TEX14: variants seen among roughly 807,000 people sequenced by gnomAD.
The protein encoded by TEX14 is testis expressed 14, intercellular bridge forming factor.
Under a neutral mutation model 178.6 loss-of-function variants are expected in TEX14, and 168 were observed. The observed-to-expected ratio is 0.94, with a 90% CI of 0.83 to 1.07. The LOEUF (loss-of-function observed/expected upper bound fraction) is 1.07, where lower values mean the gene tolerates loss of function less well. Among genes scored for constraint, TEX14 ranks in the 50% least tolerant of loss-of-function variants. TEX14 has a pLI of 0.00. For missense variants in TEX14, 1,730 were observed against 1,753.6 expected, an observed-to-expected ratio of 0.99 and a Z score of 0.24; for synonymous variants, 626 against 634.1, an observed-to-expected ratio of 0.99 and a Z score of 0.19.
At chr17:58,646,186 C>G (rs988262314) in intron 2 of TEX14, among the ~76,000 whole-genome samples, 5 of 152,010 alleles carry the variant, frequency 3.3e-5, no homozygotes, top group African/African-American at 7.3e-5. Context: ...AGCTTAAAAG[C>G]CAATCGCTAT....
chr17:58,606,801 G>A (rs555587591), intron 10 of TEX14, among the ~76,000 whole-genome samples: 1 of 151,704 alleles, frequency 6.6e-6, no homozygotes, highest in Admixed American at 6.6e-5. Flanking sequence ...GCCGAGGCGG[G>A]TGGATCACTT....
chr17:58,619,393 T>C (rs954487751), intron 5 of TEX14, among the ~76,000 whole-genome samples: 1 of 152,228 alleles, frequency 6.6e-6, no homozygotes, highest in African/African-American at 2.4e-5. Context: ...TCAGTGCTTT[T>C]CTTCTTTCCC....
At chr17:58,605,747 G>T (rs2045592351) in intron 10 of TEX14, among the ~76,000 whole-genome samples, 1 of 152,176 alleles carries the variant, frequency 6.6e-6, no homozygotes, top group South Asian at 2.1e-4. Flanking sequence ...TGAGATATTT[G>T]TCTGAAAGTC....
chr17:58,597,314 G>A (rs893722161), intron 14 of TEX14, among the ~76,000 whole-genome samples: 1 of 152,066 alleles, frequency 6.6e-6, no homozygotes, highest in African/African-American at 2.4e-5. Flanking sequence ...CAGGAGAATC[G>A]CTTGAACCTG....
At chr17:58,648,573 G>T (rs1254844473) in intron 2 of TEX14, among the ~76,000 whole-genome samples, 1 of 152,034 alleles carries the variant, frequency 6.6e-6, no homozygotes, top group Non-Finnish European at 1.5e-5. Flanking sequence ...TCAACTCCAG[G>T]GAACACTGCA....
chr17:58,611,363 ACG>A, intron 9 of TEX14, 24 bp from the exon 10 acceptor site: 1 of 1,586,644 alleles, frequency 6.3e-7, no homozygotes, highest in African/African-American at 1.4e-5. Flanking sequence ...ATGAAATGCC[ACG>A]AAAAAAAAAA....
At chr17:58,631,793 C>G (rs565949491) in intron 2 of TEX14, 2 of 152,134 alleles carry the variant, frequency 1.3e-5, no homozygotes, top group African/African-American at 4.8e-5. Flanking sequence ...AGATATACTC[C>G]TCGAGAAACA....
chr17:58,601,113 T>TGG (rs892638865), intron 13 of TEX14, among the ~76,000 whole-genome samples: 5 of 150,824 alleles, frequency 3.3e-5, no homozygotes, highest in Admixed American at 1.3e-4. Context: ...AGGCCAGGTG[T>TGG]GGTGGCTCAT....
chr17:58,687,025 C>G (rs992640432), intron 1 of TEX14, among the ~76,000 whole-genome samples: 2 of 151,936 alleles, frequency 1.3e-5, no homozygotes, highest in Admixed American at 1.3e-4. Flanking sequence ...AGATGCCCAC[C>G]ACCACACCTG....
rs865956219 is a variant in TEX14, at chr17:58,572,167, T to C, written c.3512-41A>G. 17 of 1,436,366 alleles carry C rather than the reference T, an allele frequency of 1.2e-5. 1 individual carries two copies. In the Middle Eastern group the frequency reaches 1.6e-3, roughly 136 times the overall value. The allele number at this position is 1,436,366 out of a possible 1,614,324, so 89.0% of individuals were successfully genotyped here. A position where few individuals can be genotyped will look rare whatever the true frequency, so the allele number is the denominator to read the frequency against. On this transcript the variant is annotated intron_variant, in intron 23 of 31. Coordinates refer to ENST00000349033, the MANE Select transcript of TEX14 (RefSeq NM_031272.5). ...GGAAGGTTACTGTCTGAATCCTTTA[T>C]ATTATTTCTCCTTTTTTCCTTTTTC...
intron 1 of TEX14, among the ~76,000 whole-genome samples, chr17:58,682,110 G>A (rs779075444): frequency 2.5e-4 from 38 of 151,896 alleles, no homozygotes; most frequent in Non-Finnish European, 4.7e-4. Flanking sequence ...TACCATGTCT[G>A]GCTAACTTTT....
At chr17:58,609,848 A>G (rs151181670) in intron 10 of TEX14, among the ~76,000 whole-genome samples, 22 of 152,354 alleles carry the variant, frequency 1.4e-4, no homozygotes, top group African/African-American at 5.3e-4. Flanking sequence ...TCCCTGCCTC[A>G]TGTAGCTTTT....
At position 58,662,514 on chromosome 17, in the gene TEX14, T is replaced by G. The variant is rs566403187; in HGVS notation, c.-1-10512A>C. Among the ~76,000 whole-genome samples the G allele has an allele frequency of 5.3e-5, 8 of 151,532 alleles. No individual in the cohort carries two copies. The South Asian group carries it at 1.7e-3, about 32-fold the overall frequency. ...ATCAAAGACCCCAAATAAGTTGAGA[T>G]GGAGAAACACAGCCCCTCAGTACAG... is the stretch of plus-strand genomic sequence containing the variant. On this transcript the variant is annotated intron_variant, in intron 1 of 31. Transcript: ENST00000349033.
At chr17:58,678,501 A>G (rs551858906) in intron 1 of TEX14, among the ~76,000 whole-genome samples, 169 of 152,284 alleles carry the variant, frequency 1.1e-3, no homozygotes, top group Non-Finnish European at 2.0e-3. Context: ...AGCCATAAAA[A>G]AGGATGAGTT....
rs1440329057 is a variant in TEX14 at position 58,623,013 on chromosome 17, C to G, written c.252-1G>C. On this transcript the variant is annotated splice_acceptor_variant, in intron 3 of 31. Coordinates refer to ENST00000349033, the MANE Select transcript of TEX14 (RefSeq NM_031272.5). LOFTEE classifies it high-confidence loss of function. ...AGGGGTGCTCCCATCAAAGCAGCGGCTGGGGAGGGAGATGAGTACAATTGA... is the reference window on the plus strand; with the variant it reads ...AGGGGTGCTCCCATCAAAGCAGCGGGTGGGGAGGGAGATGAGTACAATTGA... The G allele has an allele frequency of 3.8e-6, 6 of 1,587,984 alleles. No homozygotes were observed. Among genetic ancestry groups the G allele is most frequent in the Non-Finnish European group, 5.2e-6 (6 of 1,158,614 alleles).
At chr17:58,658,418 C>A (rs2047015040) in intron 1 of TEX14, among the ~76,000 whole-genome samples, 1 of 124,678 alleles carries the variant, frequency 8.0e-6, no homozygotes, top group Admixed American at 9.5e-5. Context: ...TTGAGACAGT[C>A]TCACTGTGTC....
At chr17:58,658,951 T>A (rs1460063072) in intron 1 of TEX14, among the ~76,000 whole-genome samples, 1 of 151,686 alleles carries the variant, frequency 6.6e-6, no homozygotes, top group East Asian at 1.9e-4. Flanking sequence ...GCGTACCACA[T>A]CAGTCTGGCT....
chr17:58,638,831 C>T (rs1366720754), intron 2 of TEX14, among the ~76,000 whole-genome samples: 2 of 147,652 alleles, frequency 1.4e-5, no homozygotes, highest in African/African-American at 2.5e-5. Flanking sequence ...TGAGCCACTG[C>T]GACCGGCCTG....
At chr17:58,631,737 G>T (rs575028820) in intron 2 of TEX14, 1 of 144,424 alleles carries the variant, frequency 6.9e-6, no homozygotes, top group East Asian at 2.0e-4. Context: ...ACTCGTGAGA[G>T]AACACAAATA....
Sources: allele counts gnomAD v4.1 joint callset (sites outside exome capture counted in the v4.1 genomes callset), GRCh38; gene constraint gnomAD v4.1.1; transcripts MANE v1.5; gene names NCBI Gene and HGNC (gene_info 2026-07-23, HGNC 2026-07-21).